The following TMPRSS4 variants were observed in gnomAD, a reference collection of about 807,000 sequenced individuals.
TMPRSS4 encodes the protein transmembrane protease serine 4.
TMPRSS4 carries 45 observed loss-of-function variants against 56.4 expected under a neutral mutation model. That is an observed-to-expected ratio of 0.80 (90% CI 0.63 to 1.02). The LOEUF is 1.02. Ranked by LOEUF, TMPRSS4 falls within the 50% of genes least tolerant of loss-of-function variation. TMPRSS4 has a pLI of 0.00. For missense variants in TMPRSS4, 546 were observed against 556.7 expected (o/e 0.98, Z 0.19); for synonymous variants, 205 against 211.0 (o/e 0.97, Z 0.25).
chr11:118,083,898 G>T (rs555184624), intron 1 of TMPRSS4, among the ~76,000 whole-genome samples: 2 of 151,926 alleles, frequency 1.3e-5, no homozygotes, highest in Admixed American at 1.3e-4. Context: ...TTAGCTGGGC[G>T]GTGGTGGCAG....
At chr11:118,095,617 G>A (rs557679177) in intron 2 of TMPRSS4, among the ~76,000 whole-genome samples, 77 of 152,282 alleles carry the variant, frequency 5.1e-4, no homozygotes, top group Non-Finnish European at 7.5e-4. Context: ...CAACTGCTCC[G>A]CCACCTGAGC....
At chr11:118,078,342 A>G (rs1944857089) in intron 1 of TMPRSS4, among the ~76,000 whole-genome samples, 1 of 152,206 alleles carries the variant, frequency 6.6e-6, no homozygotes, top group Non-Finnish European at 1.5e-5. Context: ...AGGGAAGGGA[A>G]GAGAGGAAAG....
chr11:118,109,780 T>C (rs1028864367), intron 7 of TMPRSS4, among the ~76,000 whole-genome samples: 2 of 152,232 alleles, frequency 1.3e-5, no homozygotes, highest in African/African-American at 4.8e-5. Flanking sequence ...TTTAGGAGTG[T>C]ATATGCTTTC....
Position 118,117,383 on chromosome 11 carries a change from G to A in TMPRSS4, c.1231G>A (p.Gly411Arg), listed in dbSNP as rs372490838. The change falls in exon 12 of 13, where the codon GGG (glycine) becomes AGG (arginine). Residue 411 changes from glycine to arginine, a missense_variant. By Grantham distance (125) the Gly-to-Arg change is moderately radical. Coordinates refer to ENST00000437212, the MANE Select transcript of TMPRSS4 (RefSeq NM_019894.4). ...CATCGTTAGTTGGGGCTATGGCTGCGGGGGCCCGAGCACCCCAGGAGTATA... is the reference window on the plus strand; with the variant it reads ...CATCGTTAGTTGGGGCTATGGCTGCAGGGGCCCGAGCACCCCAGGAGTATA... ...VGIVSWGYGC[G>R]GPSTPGVYTK... The A allele has an allele frequency of 1.1e-5, 18 of 1,613,020 alleles. No individual in the cohort carries two copies. The highest frequency in any genetic ancestry group is 5.0e-5 in the Admixed American group (3 of 59,968).
Position 118,117,994 on chromosome 11 carries a change from G to T in TMPRSS4, c.*81G>T. On this transcript the variant is annotated 3_prime_UTR_variant, in exon 13 of 13. Coordinates refer to ENST00000437212, the MANE Select transcript of TMPRSS4 (RefSeq NM_019894.4). The stretch of plus-strand genomic sequence containing the variant: ...GGGATCCCCCAAAGTCAGACACAGA[G>T]CAAGAGTCCCCTTGGGTACACCCCT... 1.2e-6 allele frequency: 2 copies of T among 1,609,962 alleles called. No individual in the cohort carries two copies. Among genetic ancestry groups the T allele is most frequent in the Non-Finnish European group, 8.5e-7 (1 of 1,179,622 alleles).
intron 1 of TMPRSS4, among the ~76,000 whole-genome samples, chr11:118,093,862 A>T (rs1035718473): frequency 4.0e-5 from 6 of 150,600 alleles, no homozygotes; most frequent in Middle Eastern, 3.4e-3. Context: ...ATCACTATAG[A>T]TTAACCTTGC....
intron 3 of TMPRSS4, among the ~76,000 whole-genome samples, chr11:118,102,518 G>C (rs948267220): frequency 5.3e-5 from 8 of 152,144 alleles, no homozygotes; most frequent in Admixed American, 2.6e-4. Context: ...GAGCAGCCCA[G>C]CCAACATGGT....
intron 12 of TMPRSS4, 23 bp downstream of exon 12, chr11:118,117,477 A>G: frequency 6.3e-7 from 1 of 1,599,772 alleles, no homozygotes; most frequent in East Asian, 2.2e-5. Flanking sequence ...TGCCCTACCC[A>G]CTGTGCCTTC....
At chr11:118,099,463 G>GAA (rs1231129325) in intron 3 of TMPRSS4, among the ~76,000 whole-genome samples, 1 of 22,304 alleles carries the variant, frequency 4.5e-5, no homozygotes, top group Admixed American at 4.9e-4. Context: ...AAGAGAGAAA[G>GAA]AAAGAAAGAA....
chr11:118,091,702 A>G (rs1591362840), intron 1 of TMPRSS4, among the ~76,000 whole-genome samples: 1 of 150,924 alleles, frequency 6.6e-6, no homozygotes, highest in Non-Finnish European at 1.5e-5. Context: ...TAATTCTTTA[A>G]TGCTGCCCAT....
chr11:118,090,575 G>T (rs1249916837), intron 1 of TMPRSS4, among the ~76,000 whole-genome samples: 1 of 147,438 alleles, frequency 6.8e-6, no homozygotes, highest in East Asian at 2.0e-4. Flanking sequence ...CCAGGAGTTC[G>T]AGACCAGCCT....
At chr11:118,102,543 A>G (rs1169021852) in intron 3 of TMPRSS4, among the ~76,000 whole-genome samples, 1 of 152,144 alleles carries the variant, frequency 6.6e-6, no homozygotes, top group African/African-American at 2.4e-5. Context: ...CCCCGTCACT[A>G]CTAAAAATAC....
At chr11:118,090,210 A>C (rs1945845505) in intron 1 of TMPRSS4, among the ~76,000 whole-genome samples, 1 of 152,210 alleles carries the variant, frequency 6.6e-6, no homozygotes, top group Non-Finnish European at 1.5e-5. Context: ...CACTGTGTGA[A>C]TATACCAGTC....
chr11:118,080,087 T>A (rs1245773967), intron 1 of TMPRSS4, among the ~76,000 whole-genome samples: 1 of 152,070 alleles, frequency 6.6e-6, no homozygotes, highest in African/African-American at 2.4e-5. Context: ...GGGCTGGGGA[T>A]TGGGAGGACC....
At chr11:118,096,483 C>A (rs182123861) in intron 2 of TMPRSS4, among the ~76,000 whole-genome samples, 55 of 152,098 alleles carry the variant, frequency 3.6e-4, no homozygotes, top group Non-Finnish European at 7.9e-4. Context: ...AAAATGTGAC[C>A]TGTAAGAAAG....
chr11:118,115,157 G>A lies in TMPRSS4; in HGVS notation c.1029G>A (p.Leu343=). 1 of 1,611,680 alleles carries A rather than the reference G, an allele frequency of 6.2e-7. No individual in the cohort carries two copies. Among genetic ancestry groups the A allele is most frequent in the Non-Finnish European group, 8.5e-7 (1 of 1,179,286 alleles). ...TCCCAGGGAAGATGTCTGACATACT[G>A]CTGCAGGCGTCAGTCCAGGTCATTG... ...KQNGGKMSDI[L]LQASVQVIDS... The change falls in exon 11 of 13, where the codon CTG becomes CTA. Residue 343 remains leucine (L), a synonymous_variant. Transcript: ENST00000437212.
intron 1 of TMPRSS4, among the ~76,000 whole-genome samples, chr11:118,078,211 A>G (rs936031979): frequency 1.3e-5 from 2 of 152,050 alleles, no homozygotes; most frequent in Non-Finnish European, 2.9e-5. Flanking sequence ...CTATCTTTCA[A>G]GGAGGACAGC....
intron 3 of TMPRSS4, 103 bp downstream of exon 3, chr11:118,099,201 G>A: frequency 1.3e-6 from 1 of 772,442 alleles, no homozygotes; most frequent in Non-Finnish European, 1.9e-6. Flanking sequence ...CCCCACCCCT[G>A]CCCTCACCCC....
At chr11:118,108,700 G>C in intron 6 of TMPRSS4, 156 bp from the exon 7 acceptor site, 1 of 663,640 alleles carries the variant, frequency 1.5e-6, no homozygotes, top group Non-Finnish European at 2.6e-6. Context: ...AAATGCAATG[G>C]ATGTCAATGC....
Sources: allele counts gnomAD v4.1 joint callset (sites outside exome capture counted in the v4.1 genomes callset), GRCh38; gene constraint gnomAD v4.1.1; transcripts MANE v1.5; gene names NCBI Gene and HGNC (gene_info 2026-07-23, HGNC 2026-07-21).